The following TLE2 variants were observed in gnomAD, a reference collection of about 807,000 sequenced individuals.
The protein encoded by TLE2 is transducin-like enhancer protein 2.
TLE2 carries 74 observed loss-of-function variants against 97.2 expected under a neutral mutation model. The ratio of observed to expected loss-of-function variants is 0.76; its 90% confidence interval spans 0.63 to 0.92. The LOEUF is 0.92. Among genes scored for constraint, TLE2 ranks in the 40% least tolerant of loss-of-function variants. The probability of loss-of-function intolerance (pLI) is 0.00; values close to 1 mark genes in which losing one functional copy is unlikely to be tolerated. For missense variants in TLE2, 1,038 were observed against 1,008.7 expected (o/e 1.03, Z -0.39); for synonymous variants, 499 against 432.1 (o/e 1.15, Z -1.92).
Position 3,019,406 on chromosome 19 carries a change from C to A in TLE2, c.427G>T (p.Ala143Ser). The A allele has an allele frequency of 6.5e-7, 1 of 1,539,672 alleles. No individual in the cohort carries two copies. The change falls in exon 7 of 20, where the codon GCC (alanine) becomes TCC (serine). Residue 143 changes from alanine (A) to serine (S), a missense_variant. Ala to Ser is a moderately conservative substitution (Grantham distance 99, BLOSUM62 1). Coordinates refer to ENST00000262953, the MANE Select transcript of TLE2 (RefSeq NM_003260.5). This position sits in a 1 kb window ranked among gnomAD's most constrained non-coding sequence, Gnocchi z 5.1. ...GTAGCACTGCCGCCCACCAGCCCGG[C>A]TGGGCGGGGGGTGAGGGGCACAGGG... ...APPVPLTPRP[A>S]GLVGGSATGL... is the part of the protein sequence containing the mutation.
intron 1 of TLE2, among the ~76,000 whole-genome samples, chr19:3,037,145 C>A (rs1200600491): frequency 6.6e-6 from 1 of 152,128 alleles, no homozygotes; most frequent in Non-Finnish European, 1.5e-5. Context: ...ATTAGCCGGA[C>A]ATGGTGGCAC....
chr19:3,025,341 A>G, intron 4 of TLE2: 4 of 1,257,148 alleles, frequency 3.2e-6, no homozygotes, highest in Non-Finnish European at 4.0e-6. Context: ...AGTCACAGAT[A>G]CACCACCCGC....
chr19:3,018,400 C>A (rs897606118), intron 7 of TLE2, among the ~76,000 whole-genome samples: 1 of 151,842 alleles, frequency 6.6e-6, no homozygotes, highest in Admixed American at 6.6e-5. Flanking sequence ...TCAAGCAATT[C>A]TCTTGCCTCA....
intron 3 of TLE2, 120 bp downstream of exon 3, chr19:3,028,199 G>A: frequency 2.7e-6 from 3 of 1,096,322 alleles, no homozygotes; most frequent in East Asian, 2.6e-5. Context: ...ATCCCAACCT[G>A]CCCAATGTAC....
At chr19:3,037,604 A>G (rs1401631523) in intron 1 of TLE2, among the ~76,000 whole-genome samples, 1 of 152,102 alleles carries the variant, frequency 6.6e-6, no homozygotes. Context: ...GTGGGTTCTG[A>G]CCAGCAGGAG....
chr19:3,002,539 C>T (rs1157718480), intron 17 of TLE2, 36 bp from the exon 18 acceptor site: 2 of 1,539,234 alleles, frequency 1.3e-6, no homozygotes, highest in Admixed American at 2.0e-5. Flanking sequence ...GGTCACGAGC[C>T]CCTCTTTGTT....
Position 3,002,401 on chromosome 19 carries a change from G to C in TLE2, c.1999C>G (p.Leu667Val). Residue 667 changes from leucine to valine, a missense_variant, in exon 18 of 20, where the codon CTG becomes GTG. Coordinates refer to ENST00000262953, the MANE Select transcript of TLE2 (RefSeq NM_003260.5). Reference protein sequence around the residue: ...LHVRKPEKYQLHLHESCVLSL... With the variant: ...LHVRKPEKYQVHLHESCVLSL... ...AGCACGCAGCTCTCGTGGAGGTGCAGCTGGTATTTCTCCGGCTTGCGGACG... is the reference window on the plus strand; with the variant it reads ...AGCACGCAGCTCTCGTGGAGGTGCACCTGGTATTTCTCCGGCTTGCGGACG... 1 of 1,613,818 alleles carries C rather than the reference G, an allele frequency of 6.2e-7. No homozygotes were observed. Among genetic ancestry groups the C allele is most frequent in the Non-Finnish European group, 8.5e-7 (1 of 1,179,850 alleles).
chr19:3,041,014 T>TATATATATATATGTATATATA (rs55998855), intron 1 of TLE2, among the ~76,000 whole-genome samples: 1 of 20,162 alleles, frequency 5.0e-5, no homozygotes, highest in Non-Finnish European at 8.4e-5. Flanking sequence ...TATATATATA[T>TATATATATATATGTATATATA]TTTTTTTTTT....
intron 1 of TLE2, among the ~76,000 whole-genome samples, chr19:3,034,577 C>T (rs1229444064): frequency 6.6e-6 from 1 of 151,564 alleles, no homozygotes; most frequent in East Asian, 1.9e-4. Flanking sequence ...TCCTTTTATG[C>T]CTGGAGAAAG....
chr19:3,034,702 CAT>C (rs1305219352), intron 1 of TLE2, among the ~76,000 whole-genome samples: 3 of 152,078 alleles, frequency 2.0e-5, no homozygotes, highest in Non-Finnish European at 2.9e-5. Flanking sequence ...CACACACACA[CAT>C]ACACACACTG....
intron 8 of TLE2, among the ~76,000 whole-genome samples, chr19:3,016,610 A>G (rs2089712142): frequency 6.6e-6 from 1 of 151,174 alleles, no homozygotes; most frequent in African/African-American, 2.4e-5. Context: ...AAAAAAAATT[A>G]AACCATTTTT....
At chr19:3,020,974 A>C (rs1409748749) in intron 5 of TLE2, among the ~76,000 whole-genome samples, 1 of 151,170 alleles carries the variant, frequency 6.6e-6, no homozygotes, top group Non-Finnish European at 1.5e-5. Flanking sequence ...CTATAATACC[A>C]GCTACTCGTG....
chr19:3,011,372 A>C (rs938228598), intron 11 of TLE2, among the ~76,000 whole-genome samples: 1 of 151,686 alleles, frequency 6.6e-6, no homozygotes, highest in East Asian at 1.9e-4. Context: ...TACTAAAAAT[A>C]CAAAAAAAGA....
chr19:3,039,362 C>T (rs1294366275), intron 1 of TLE2, among the ~76,000 whole-genome samples: 2 of 152,104 alleles, frequency 1.3e-5, no homozygotes, highest in African/African-American at 4.8e-5. Context: ...TCGCCTCCCT[C>T]CTCTCACCTC....
intron 11 of TLE2, among the ~76,000 whole-genome samples, chr19:3,012,727 G>A (rs894924773): frequency 6.6e-6 from 1 of 152,176 alleles, no homozygotes; most frequent in African/African-American, 2.4e-5. Context: ...CCTCCATCTA[G>A]GGGCAGGCTC....
chr19:3,019,380 C>T lies in TLE2; in HGVS notation c.453G>A (p.Thr151=), dbSNP rs370958944. Residue 151 remains threonine, a synonymous_variant, in exon 7 of 20, where the codon ACG becomes ACA. Transcript: ENST00000262953. This position sits in a 1 kb window ranked among gnomAD's most constrained non-coding sequence, Gnocchi z 5.1. ...GGGCTCCAGACAGAGCAAGCAGCCC[C>T]GTAGCACTGCCGCCCACCAGCCCGG... ...RPAGLVGGSA[T]GLLALSGALA... is the part of the protein sequence containing the mutation. 101 of 1,548,910 alleles carry T rather than the reference C, an allele frequency of 6.5e-5. 1 individual carries two copies. Among genetic ancestry groups the T allele is most frequent in the Admixed American group, 2.5e-4 (13 of 52,506 alleles).
At chr19:3,047,214 G>C (rs572312826), upstream of TLE2, among the ~76,000 whole-genome samples, 3 of 116,956 alleles carry the variant, frequency 2.6e-5, no homozygotes, top group Admixed American at 8.7e-5. Flanking sequence ...GCCGCGGCGC[G>C]GGGCCCATTA....
intron 11 of TLE2, 106 bp downstream of exon 11, chr19:3,013,563 C>G: frequency 9.0e-7 from 1 of 1,112,170 alleles, no homozygotes; most frequent in Non-Finnish European, 1.2e-6. Flanking sequence ...AATGCCAGCC[C>G]GGCTGGCTGA....
At chr19:3,000,797 G>T (rs1422917334) in intron 18 of TLE2, 74 bp from the exon 19 acceptor site, 10 of 1,174,912 alleles carry the variant, frequency 8.5e-6, no homozygotes, top group Admixed American at 2.0e-5. Context: ...GGAGGTCGGG[G>T]AAGCTGGGTC....
Sources: allele counts gnomAD v4.1 joint callset (sites outside exome capture counted in the v4.1 genomes callset), GRCh38; gene constraint gnomAD v4.1.1; non-coding constraint Gnocchi (gnomAD v3.1); transcripts MANE v1.5; gene names NCBI Gene and HGNC (gene_info 2026-07-23, HGNC 2026-07-21).